CENPM: variants seen among roughly 807,000 people sequenced by gnomAD.
CENPM encodes centromere protein M, also known as interphase centromere complex protein 39.
CENPM carries 14 observed loss-of-function variants against 19.6 expected under a neutral mutation model. That is an observed-to-expected ratio of 0.71 (90% CI 0.47 to 1.11). The LOEUF (loss-of-function observed/expected upper bound fraction) is 1.11, where lower values mean the gene tolerates loss of function less well. CENPM is among the 50% of genes most tolerant of loss of function. CENPM has a pLI of 0.00. For synonymous variants in CENPM, 114 were observed against 101.5 expected, an observed-to-expected ratio of 1.12 and a Z score of -0.74; for missense variants, 239 against 228.4, an observed-to-expected ratio of 1.05 and a Z score of -0.30.
chr22:41,929,755 G>A, the CENPM span, among the ~76,000 whole-genome samples: 1 of 150,598 alleles, frequency 6.6e-6, no homozygotes, highest in Non-Finnish European at 1.5e-5. Flanking sequence ...TCTGTGTTGT[G>A]TGCAGGTGCC....
At chr22:41,940,741 G>C (rs986362645) in intron 5 of CENPM, among the ~76,000 whole-genome samples, 21 of 152,050 alleles carry the variant, frequency 1.4e-4, no homozygotes, top group Non-Finnish European at 2.4e-4. Flanking sequence ...AACAGTGGTC[G>C]GTACCACAGA....
In CENPM at chr22:41,939,088, T is replaced by C. The variant is rs1486677355; in HGVS notation, c.511A>G (p.Ser171Gly). The change falls in exon 6 of 6, where the codon AGC (serine) becomes GGC (glycine). Residue 171 changes from serine to glycine, a missense_variant. Transcript: ENST00000215980. ...TCCTCCAGGGAGGGGCCCTCAGAGC[T>C]TCTCAGCAGGGACAGCAGGTTCAGA... ...SALNLLSLLR[S>G]SEGPSLEDL 6.2e-7 allele frequency: 1 copy of C among 1,613,000 alleles called. No individual in the cohort carries two copies.
At chr22:41,945,369 G>GT (rs755006901) in intron 3 of CENPM, 65 bp from the exon 4 acceptor site, 1 of 1,602,280 alleles carries the variant, frequency 6.2e-7, no homozygotes, top group South Asian at 1.1e-5. Context: ...GGAGAAAGCA[G>GT]AAGTCCTTGC....
the CENPM span, among the ~76,000 whole-genome samples, chr22:41,932,898 A>G: frequency 2.0e-5 from 3 of 152,206 alleles, no homozygotes; most frequent in Admixed American, 6.5e-5. This position sits in a 1 kb window ranked among gnomAD's most constrained non-coding sequence, Gnocchi z 4.3. Flanking sequence ...CTTAGCACCT[A>G]CCAGGCACCA....
At chr22:41,933,063 T>C in the CENPM span, among the ~76,000 whole-genome samples, 7 of 151,052 alleles carry the variant, frequency 4.6e-5, no homozygotes, top group African/African-American at 1.7e-4. Flanking sequence ...AACAGGGGAG[T>C]CAGAGAAGGC....
At chr22:41,940,924 A>T (rs1162497683) in intron 5 of CENPM, among the ~76,000 whole-genome samples, 2 of 152,116 alleles carry the variant, frequency 1.3e-5, no homozygotes, top group African/African-American at 2.4e-5. Flanking sequence ...CAGAGACGTG[A>T]CCCAAATGCC....
At chr22:41,939,840 AAAAGAAAGAAAGAAAGAAAGAAAGAAAG>A (rs1569425800) in intron 5 of CENPM, among the ~76,000 whole-genome samples, 1 of 14,030 alleles carries the variant, frequency 7.1e-5, no homozygotes, top group Non-Finnish European at 1.5e-4. Context: ...GAAAGAAAGA[AAAAGAAAGAAAGAAAGAAAGAAAGAAAG>A]AAAGAAAGAA....
At chr22:41,944,917 G>T (rs2077781341) in intron 4 of CENPM, 1 of 1,216,192 alleles carries the variant, frequency 8.2e-7, no homozygotes, top group African/African-American at 1.6e-5. Context: ...GTGTATATGT[G>T]TTCTTTCGGT....
Position 41,943,697 on chromosome 22 carries a change from C to T in CENPM, c.315G>A (p.Gly105=). The change falls in exon 5 of 6, where the codon GGG becomes GGA. Residue 105 remains glycine (G), a synonymous_variant. Coordinates refer to ENST00000215980, the MANE Select transcript of CENPM (RefSeq NM_024053.5). ...GKVCFLATGA[G]RESHCSIHRH... Reference sequence around the variant, plus strand: ...GGTGAATGCTGCAGTGGCTCTCCCGCCCAGCTGGAAAGAAGCCATGAGTGC... The same window carrying T: ...GGTGAATGCTGCAGTGGCTCTCCCGTCCAGCTGGAAAGAAGCCATGAGTGC... 2 of 1,613,202 alleles carry T rather than the reference C, an allele frequency of 1.2e-6. No homozygotes were observed. Among genetic ancestry groups the T allele is most frequent in the Non-Finnish European group, 1.7e-6 (2 of 1,179,648 alleles).
At chr22:41,940,764 A>AT (rs2077732203) in intron 5 of CENPM, among the ~76,000 whole-genome samples, 1 of 152,160 alleles carries the variant, frequency 6.6e-6, no homozygotes, top group Non-Finnish European at 1.5e-5. Flanking sequence ...CTCAGGAAGT[A>AT]TTTTTTTAAT....
rs770590906 is a variant in CENPM at position 41,945,296 on chromosome 22, T to A, written c.239A>T (p.Asn80Ile). Reference protein sequence around the residue: ...VNLHSKYSLQNTEESLRHVDA... With the variant: ...VNLHSKYSLQITEESLRHVDA... ...CACATGGCGCAGGGACTCCTCTGTG[T>A]TCTGGAGACTGGGGTGGCCAGGCCA... The change falls in exon 4 of 6, where the codon AAC becomes ATC. Residue 80 changes from asparagine to isoleucine, a missense_variant. Coordinates refer to ENST00000215980, the MANE Select transcript of CENPM (RefSeq NM_024053.5). The A allele has an allele frequency of 2.2e-5, 35 of 1,613,872 alleles. No individual in the cohort carries two copies. The East Asian group carries it at 7.1e-4, about 33-fold the overall frequency.
chr22:41,938,135 C>T (rs2077692116), downstream of CENPM, among the ~76,000 whole-genome samples: 1 of 145,074 alleles, frequency 6.9e-6, no homozygotes, highest in Non-Finnish European at 1.5e-5. Context: ...AACCACCGCG[C>T]CCAGCATTTT....
At chr22:41,929,481 C>T in the CENPM span, among the ~76,000 whole-genome samples, 1 of 152,094 alleles carries the variant, frequency 6.6e-6, no homozygotes, top group Non-Finnish European at 1.5e-5. Flanking sequence ...GTCCGCCTGC[C>T]CCAGGTCTGC....
At chr22:41,927,589 T>G in the CENPM span, among the ~76,000 whole-genome samples, 1 of 144,264 alleles carries the variant, frequency 6.9e-6, no homozygotes, top group Non-Finnish European at 1.5e-5. Flanking sequence ...AACCTCTGCC[T>G]CCCAGATTCA....
At chr22:41,942,314 T>A (rs2077748303) in intron 5 of CENPM, among the ~76,000 whole-genome samples, 1 of 152,146 alleles carries the variant, frequency 6.6e-6, no homozygotes, top group Non-Finnish European at 1.5e-5. Context: ...TTATCCTGCA[T>A]AAAAAGCGGC....
At chr22:41,929,814 T>TG in the CENPM span, among the ~76,000 whole-genome samples, 2 of 28,246 alleles carry the variant, frequency 7.1e-5, no homozygotes, top group East Asian at 8.3e-4. Context: ...GGGGTGGGGG[T>TG]GGGGGGCTGC....
chr22:41,933,178 A>G, the CENPM span, among the ~76,000 whole-genome samples: 3 of 152,264 alleles, frequency 2.0e-5, no homozygotes, highest in African/African-American at 7.2e-5. Flanking sequence ...CTGTGCGCAA[A>G]GCATCTCCCT....
At chr22:41,942,347 G>A (rs6002552) in intron 5 of CENPM, among the ~76,000 whole-genome samples, 39,988 of 151,992 alleles carry the variant, frequency 0.26, 5,982 homozygotes, top group African/African-American at 0.37. Flanking sequence ...TCCGTGGCTC[G>A]CTCCTGTAAT....
In CENPM at chr22:41,946,515, C is replaced by A. The variant is rs1263824750; in HGVS notation, c.58-19G>T. ...CCACCAGCTGCGCAGGGAGAGAGAG[C>A]GGACAGTCGAGCCCTAGGCACAGCA... On this transcript the variant is annotated intron_variant, in intron 1 of 5. Coordinates refer to ENST00000215980, the MANE Select transcript of CENPM (RefSeq NM_024053.5). The A allele has an allele frequency of 6.2e-7, 1 of 1,609,550 alleles. No homozygotes were observed.
Sources: allele counts gnomAD v4.1 joint callset (sites outside exome capture counted in the v4.1 genomes callset), GRCh38; gene constraint gnomAD v4.1.1; non-coding constraint Gnocchi (gnomAD v3.1); transcripts MANE v1.5; gene names NCBI Gene and HGNC (gene_info 2026-07-23, HGNC 2026-07-21).